Variants in VPS13C observed in about 807,000 individuals in gnomAD.
VPS13C encodes intermembrane lipid transfer protein VPS13C.
In VPS13C, 358 loss-of-function variants were observed where a neutral mutation model predicts 456.8. The ratio of observed to expected loss-of-function variants is 0.78; its 90% CI spans 0.72 to 0.86. The LOEUF (loss-of-function observed/expected upper bound fraction) is 0.86. Ranked by LOEUF, VPS13C falls within the 40% of genes least tolerant of loss-of-function variation. The probability of loss-of-function intolerance (pLI) is 0.00; values close to 1 mark genes in which losing one functional copy is unlikely to be tolerated. For missense variants in VPS13C, 4,818 were observed against 4,385.4 expected, an observed-to-expected ratio of 1.10 and a Z score of -2.79; for synonymous variants, 1,578 against 1,486.7, an observed-to-expected ratio of 1.06 and a Z score of -1.41.
At chr15:61,963,480 A>G (rs1354263904) in intron 32 of VPS13C, among the ~76,000 whole-genome samples, 3 of 152,104 alleles carry the variant, frequency 2.0e-5, no homozygotes, top group Non-Finnish European at 4.4e-5. Context: ...AAGGTAAAAA[A>G]AAAAGATTAA....
At chr15:61,963,695 G>T (rs1156531595) in intron 32 of VPS13C, 140 bp downstream of exon 32, 1 of 631,404 alleles carries the variant, frequency 1.6e-6, no homozygotes, top group Non-Finnish European at 2.8e-6. Context: ...CCCAAATAGA[G>T]GAAGCATACA....
intron 68 of VPS13C, 113 bp downstream of exon 68, chr15:61,884,015 C>T (rs886733351): frequency 1.1e-6 from 1 of 903,710 alleles, no homozygotes; most frequent in Non-Finnish European, 1.6e-6. Context: ...GTTTATCTAC[C>T]AATAAATAAG....
chr15:61,972,892 T>G, intron 26 of VPS13C, 128 bp from the exon 27 acceptor site: 1 of 1,018,144 alleles, frequency 9.8e-7, no homozygotes, highest in Non-Finnish European at 1.4e-6. Context: ...AGCATCAGAA[T>G]AGCTGCCTTT....
At chr15:62,042,971 A>G (rs1182759555) in intron 2 of VPS13C, among the ~76,000 whole-genome samples, 1 of 151,032 alleles carries the variant, frequency 6.6e-6, no homozygotes. Context: ...AATTATAACC[A>G]AAACTTGAAT....
intron 66 of VPS13C, among the ~76,000 whole-genome samples, chr15:61,896,602 C>A (rs28783076): frequency 1.3e-5 from 2 of 152,130 alleles, no homozygotes; most frequent in Non-Finnish European, 2.9e-5. Context: ...GAGGGTCCTA[C>A]GCCCACGGAG....
intron 3 of VPS13C, 61 bp from the exon 4 acceptor site, chr15:62,035,113 C>A: frequency 7.9e-7 from 1 of 1,271,554 alleles, no homozygotes; most frequent in Non-Finnish European, 1.1e-6. Context: ...ACAAAAATTT[C>A]TCACTTTCCA....
At chr15:62,037,253 T>TTATA (rs1178874778) in intron 3 of VPS13C, among the ~76,000 whole-genome samples, 1 of 21,756 alleles carries the variant, frequency 4.6e-5, no homozygotes, top group African/African-American at 1.9e-4. Context: ...TATAATATAT[T>TTATA]TATATATATT....
intron 24 of VPS13C, among the ~76,000 whole-genome samples, chr15:61,974,998 T>C (rs969399578): frequency 1.3e-5 from 2 of 152,122 alleles, no homozygotes; most frequent in African/African-American, 2.4e-5. Flanking sequence ...TTTGTCTCAA[T>C]AGCCTTGTGG....
intron 9 of VPS13C, among the ~76,000 whole-genome samples, chr15:62,018,762 T>G (rs1262272026): frequency 1.3e-5 from 2 of 152,116 alleles, no homozygotes; most frequent in Admixed American, 1.3e-4. Flanking sequence ...TTTGGTTGTG[T>G]CTCTGCCAGG....
intron 80 of VPS13C, 93 bp from the exon 81 acceptor site, chr15:61,868,866 AAC>A: frequency 9.7e-7 from 1 of 1,026,990 alleles, no homozygotes; most frequent in Non-Finnish European, 1.4e-6. Context: ...TTTCACAAAA[AAC>A]AATCAGTAAT....
At chr15:61,978,178 A>G (rs954732981) in intron 23 of VPS13C, among the ~76,000 whole-genome samples, 2 of 152,136 alleles carry the variant, frequency 1.3e-5, no homozygotes, top group African/African-American at 4.8e-5. Flanking sequence ...TACTTCTCAG[A>G]TATCTACAAA....
intron 66 of VPS13C, among the ~76,000 whole-genome samples, chr15:61,900,080 T>G (rs2042950336): frequency 6.6e-6 from 1 of 152,162 alleles, no homozygotes; most frequent in African/African-American, 2.4e-5. Context: ...TGCTAAAAAC[T>G]CTCAATAAAT....
At chr15:61,907,568 C>T (rs928632389) in intron 65 of VPS13C, among the ~76,000 whole-genome samples, 178 bp from the exon 66 acceptor site, 1 of 152,110 alleles carries the variant, frequency 6.6e-6, no homozygotes, top group South Asian at 2.1e-4. Context: ...GGTTTTTAAG[C>T]TCGGGGAAAC....
intron 32 of VPS13C, 25 bp downstream of exon 32, chr15:61,963,810 T>C (rs1412273669): frequency 6.5e-7 from 1 of 1,539,454 alleles, no homozygotes; most frequent in Non-Finnish European, 9.0e-7. Context: ...TTTTCGCCAA[T>C]TTTCAATGCC....
At chr15:62,013,296 ATT>A (rs2047112860) in intron 10 of VPS13C, among the ~76,000 whole-genome samples, 177 bp from the exon 11 acceptor site, 1 of 152,052 alleles carries the variant, frequency 6.6e-6, no homozygotes, top group Non-Finnish European at 1.5e-5. Flanking sequence ...TTCAGACTTT[ATT>A]AAGTCTAGCA....
chr15:62,048,798 A>G (rs980362132), intron 1 of VPS13C, among the ~76,000 whole-genome samples: 2 of 152,116 alleles, frequency 1.3e-5, no homozygotes, highest in African/African-American at 4.8e-5. Context: ...TCGCCATTCT[A>G]ACTGGTGTGA....
intron 61 of VPS13C, among the ~76,000 whole-genome samples, chr15:61,914,472 G>A (rs62009106): frequency 0.057 from 8,680 of 151,854 alleles, 312 homozygotes; most frequent in Non-Finnish European, 0.08. Context: ...GGGAGGTTGA[G>A]GCAGGAGAAT....
intron 69 of VPS13C, 38 bp from the exon 70 acceptor site, chr15:61,881,866 T>C: frequency 6.5e-7 from 1 of 1,536,384 alleles, no homozygotes; most frequent in Non-Finnish European, 8.7e-7. Context: ...AGATTTCAAA[T>C]AATTTAAACT....
chr15:62,011,113 T>A (rs2047024416), intron 12 of VPS13C, among the ~76,000 whole-genome samples: 1 of 151,988 alleles, frequency 6.6e-6, no homozygotes, highest in Admixed American at 6.6e-5. Context: ...TAGAATCAAC[T>A]AAAGAAAATA....
Sources: gnomAD v4.1 joint callset for allele counts (sites outside exome capture counted in the v4.1 genomes callset) on GRCh38, gnomAD v4.1.1 for gene constraint, MANE v1.5 for transcripts, NCBI Gene and HGNC (gene_info 2026-07-23, HGNC 2026-07-21) for gene names.